GAB2: variants seen among roughly 807,000 people sequenced by gnomAD.
The protein encoded by GAB2 is GRB2-associated-binding protein 2.
A neutral mutation model predicts 65.5 loss-of-function variants in GAB2; 26 were observed. The ratio of observed to expected loss-of-function variants is 0.40; its 90% CI spans 0.29 to 0.55. GAB2 has a LOEUF of 0.55. Among genes scored for constraint, GAB2 ranks in the 20% least tolerant of loss-of-function variants. GAB2 has a pLI of 0.53. For missense variants in GAB2, 884 were observed against 875.8 expected (o/e 1.01, Z -0.12); for synonymous variants, 321 against 329.6 (o/e 0.97, Z 0.28).
chr11:78,288,542 G>A (rs73496765), intron 1 of GAB2, among the ~76,000 whole-genome samples: 5,555 of 152,160 alleles, frequency 0.037, 271 homozygotes, highest in African/African-American at 0.12. Flanking sequence ...TCTAACTAGC[G>A]ATGAATATGC....
chr11:78,275,427 T>G (rs1019232878), intron 2 of GAB2, among the ~76,000 whole-genome samples: 2 of 149,478 alleles, frequency 1.3e-5, no homozygotes, highest in Non-Finnish European at 2.9e-5. Context: ...CAGATCCCAA[T>G]TCTCAGTTAA....
chr11:78,367,971 T>C (rs376387583), intron 1 of GAB2, among the ~76,000 whole-genome samples: 1 of 151,988 alleles, frequency 6.6e-6, no homozygotes, highest in Non-Finnish European at 1.5e-5. Flanking sequence ...CACCCGCCAC[T>C]GCGCCCGGCT....
intron 1 of GAB2, among the ~76,000 whole-genome samples, chr11:78,368,578 T>C (rs766478174): frequency 1.3e-5 from 2 of 152,010 alleles, no homozygotes; most frequent in Non-Finnish European, 2.9e-5. Context: ...CAAAGCATAC[T>C]ACACGAAGGA....
chr11:78,306,536 T>A (rs1197127356), intron 1 of GAB2, among the ~76,000 whole-genome samples: 1 of 152,228 alleles, frequency 6.6e-6, no homozygotes, highest in Non-Finnish European at 1.5e-5. Context: ...CCGGCCCCTA[T>A]ATACTTTCTT....
intron 1 of GAB2, among the ~76,000 whole-genome samples, chr11:78,284,826 C>A (rs1028625121): frequency 2.0e-5 from 3 of 152,062 alleles, no homozygotes; most frequent in Admixed American, 2.0e-4. Flanking sequence ...TCTTTTTATT[C>A]CATGATGCAT....
chr11:78,250,500 A>C (rs1865425033), intron 2 of GAB2, 100 bp from the exon 3 acceptor site: 2 of 1,078,360 alleles, frequency 1.9e-6, no homozygotes, highest in Admixed American at 3.8e-5. Context: ...GAGCAGAGAA[A>C]ATAATCCAGC....
intron 2 of GAB2, among the ~76,000 whole-genome samples, chr11:78,261,394 A>T (rs923591117): frequency 6.6e-6 from 1 of 152,214 alleles, no homozygotes; most frequent in Non-Finnish European, 1.5e-5. Context: ...GGGTTAGAAG[A>T]ATGACCAAAT....
At chr11:78,342,917 A>G (rs1288107450) in intron 1 of GAB2, among the ~76,000 whole-genome samples, 1 of 152,188 alleles carries the variant, frequency 6.6e-6, no homozygotes. Context: ...ACTTCAGGGT[A>G]TGATTATCCC....
chr11:78,242,645 A>C (rs1224773465), intron 3 of GAB2, among the ~76,000 whole-genome samples: 1 of 152,240 alleles, frequency 6.6e-6, no homozygotes, highest in East Asian at 1.9e-4. Context: ...AATACCAAAA[A>C]AGTAGAAAAT....
chr11:78,385,062 C>T (rs1856748886), intron 1 of GAB2, among the ~76,000 whole-genome samples: 1 of 152,194 alleles, frequency 6.6e-6, no homozygotes, highest in African/African-American at 2.4e-5. Context: ...ATGGAAATGA[C>T]TATCCTATAA....
rs913479618 is a variant in GAB2, at chr11:78,400,268, C to T, written c.75+17378G>A. Reference sequence around the variant, plus strand: ...CTCTTGAGTCCAACTCACATGTCCACCTCCTATTCCAGGAAGCCCCTCCAA... The same window carrying T: ...CTCTTGAGTCCAACTCACATGTCCATCTCCTATTCCAGGAAGCCCCTCCAA... On this transcript the variant is annotated intron_variant, in intron 1 of 9. Transcript: ENST00000361507. Among the ~76,000 whole-genome samples the T allele has an allele frequency of 3.9e-5, 6 of 152,164 alleles. No homozygotes were observed. The East Asian group carries it at 9.6e-4, about 24-fold the overall frequency.
intron 1 of GAB2, among the ~76,000 whole-genome samples, chr11:78,300,695 G>GTTTTTTTTTTTTGTTTTTTTTTTTTT (rs1866986002): frequency 3.5e-5 from 4 of 113,252 alleles, no homozygotes; most frequent in African/African-American, 1.3e-4. Context: ...GTTTTTTTTT[G>GTTTTTTTTTTTTGTTTTTTTTTTTTT]TTTTTTTTTT....
intron 3 of GAB2, among the ~76,000 whole-genome samples, chr11:78,233,682 C>G (rs1864909443): frequency 6.6e-6 from 1 of 152,180 alleles, no homozygotes; most frequent in Admixed American, 6.5e-5. Context: ...TCTTGGCTCA[C>G]TGCAACCTCC....
intron 6 of GAB2, 54 bp downstream of exon 6, chr11:78,223,358 G>T: frequency 7.1e-7 from 1 of 1,413,616 alleles, no homozygotes; most frequent in Non-Finnish European, 9.4e-7. Flanking sequence ...TAAGCAAATG[G>T]AAAGAGTCCC....
chr11:78,379,054 A>G (rs1228586649), intron 1 of GAB2, among the ~76,000 whole-genome samples: 1 of 152,222 alleles, frequency 6.6e-6, no homozygotes, highest in Non-Finnish European at 1.5e-5. Context: ...ATTTAAGAGA[A>G]GCAATCAATA....
At chr11:78,263,883 T>C (rs1865802865) in intron 2 of GAB2, among the ~76,000 whole-genome samples, 2 of 145,470 alleles carry the variant, frequency 1.4e-5, no homozygotes, top group Non-Finnish European at 2.9e-5. Flanking sequence ...TGGGCAAGGA[T>C]GTCAGTCTCC....
chr11:78,244,345 T>G (rs894758853), intron 3 of GAB2, among the ~76,000 whole-genome samples: 1 of 151,598 alleles, frequency 6.6e-6, no homozygotes, highest in Non-Finnish European at 1.5e-5. Flanking sequence ...TGAGCCAAGA[T>G]CGCACCATTG....
Position 78,271,057 on chromosome 11 carries a change from GTCC to G in GAB2, c.376+9541_376+9543del, listed in dbSNP as rs1865997046. Among the ~76,000 whole-genome samples, 3 of 152,256 alleles carry G rather than the reference GTCC, an allele frequency of 2.0e-5. No individual in the cohort carries two copies. In the South Asian group the frequency reaches 6.2e-4, roughly 31 times the overall value. The stretch of plus-strand genomic sequence containing the variant: ...GGGATGGGATAAAAGGAAAAGAGAA[GTCC>G]TCAGCTTTGAGAATTCAAAAGGGGT... On this transcript the variant is annotated intron_variant, in intron 2 of 9. Transcript: ENST00000361507.
At chr11:78,309,971 T>TGTGTGTGTGTGCGCGC (rs1421836447) in intron 1 of GAB2, among the ~76,000 whole-genome samples, 9 of 120,090 alleles carry the variant, frequency 7.5e-5, no homozygotes, top group African/African-American at 2.9e-4. Flanking sequence ...TGTGTGTGTG[T>TGTGTGTGTGTGCGCGC]GCGCGCGCGC....
Sources: allele counts gnomAD v4.1 joint callset (sites outside exome capture counted in the v4.1 genomes callset), GRCh38; gene constraint gnomAD v4.1.1; transcripts MANE v1.5; gene names NCBI Gene and HGNC (gene_info 2026-07-23, HGNC 2026-07-21).